Variants in RECK observed in about 807,000 individuals in gnomAD.
RECK encodes the protein reversion-inducing cysteine-rich protein with Kazal motifs.
RECK carries 69 observed loss-of-function variants against 115.1 expected under a neutral mutation model. The observed-to-expected ratio is 0.60, with a 90% CI of 0.49 to 0.73. The LOEUF (loss-of-function observed/expected upper bound fraction) is 0.73, where lower values mean the gene tolerates loss of function less well. Among genes scored for constraint, RECK ranks in the 30% least tolerant of loss-of-function variants. The pLI is 0.00. For synonymous variants in RECK, 414 were observed against 419.7 expected (o/e 0.99, Z 0.17); for missense variants, 1,047 against 1,203.7 (o/e 0.87, Z 1.93).
intron 8 of RECK, among the ~76,000 whole-genome samples, chr9:36,087,096 C>G (rs1822993721): frequency 6.6e-6 from 1 of 152,168 alleles, no homozygotes; most frequent in South Asian, 2.1e-4. Context: ...TCTGCAAATA[C>G]TGACATATAA....
chr9:36,101,109 C>T (rs553185568), intron 11 of RECK, among the ~76,000 whole-genome samples: 30 of 151,898 alleles, frequency 2.0e-4, no homozygotes, highest in Admixed American at 4.6e-4. Context: ...TGGGACTACA[C>T]GCCCAGCTAA....
At chr9:36,112,040 G>A (rs539324622) in intron 15 of RECK, among the ~76,000 whole-genome samples, 5 of 146,934 alleles carry the variant, frequency 3.4e-5, no homozygotes, top group South Asian at 2.2e-4. Flanking sequence ...GGAGAATGGC[G>A]TGAACCTGGG....
chr9:36,118,902 C>A lies in RECK; in HGVS notation c.2399C>A (p.Ala800Asp). ...VGVLSEHSSV[A>D]ECASVKCPSL... The stretch of plus-strand genomic sequence containing the variant: ...GTCCTCTCAGAGCACAGCTCCGTCG[C>A]CGAGTGTGCTTCTGTCAAGTGTCCT... The change falls in exon 18 of 21, where the codon GCC (alanine) becomes GAC (aspartate). Residue 800 changes from alanine (A) to aspartate (D), a missense_variant. Ala to Asp is a moderately radical substitution (Grantham distance 126). Coordinates refer to ENST00000377966, the MANE Select transcript of RECK (RefSeq NM_021111.3). The A allele has an allele frequency of 6.2e-7, 1 of 1,613,736 alleles. No individual in the cohort carries two copies. The highest frequency in any genetic ancestry group is 8.5e-7 in the Non-Finnish European group (1 of 1,180,036).
At chr9:36,071,453 C>T (rs1171279582) in intron 6 of RECK, among the ~76,000 whole-genome samples, 1 of 152,100 alleles carries the variant, frequency 6.6e-6, no homozygotes, top group East Asian at 1.9e-4. Flanking sequence ...AACATAATGG[C>T]CATAAATATA....
intron 12 of RECK, among the ~76,000 whole-genome samples, chr9:36,102,565 A>AT (rs1484860523): frequency 6.6e-6 from 1 of 152,136 alleles, no homozygotes; most frequent in Non-Finnish European, 1.5e-5. Flanking sequence ...AGAAAGTGGA[A>AT]TTTACCCCCA....
chr9:36,119,061 C>G, intron 18 of RECK, 94 bp downstream of exon 18: 2 of 1,258,494 alleles, frequency 1.6e-6, no homozygotes, highest in Non-Finnish European at 2.2e-6. Flanking sequence ...AGCTCATTTA[C>G]GTTTTTCAGA....
intron 6 of RECK, among the ~76,000 whole-genome samples, chr9:36,077,087 T>A (rs529181148): frequency 6.6e-6 from 1 of 152,274 alleles, no homozygotes; most frequent in East Asian, 1.9e-4. Context: ...TTATGGTAGA[T>A]CCTCACCTCA....
chr9:36,076,256 T>C (rs1344904444), intron 6 of RECK, among the ~76,000 whole-genome samples: 1 of 152,236 alleles, frequency 6.6e-6, no homozygotes, highest in Non-Finnish European at 1.5e-5. Flanking sequence ...TGAATGTTTG[T>C]TCATAGATTA....
At chr9:36,082,756 G>A (rs2132624330) in intron 7 of RECK, among the ~76,000 whole-genome samples, 1 of 152,320 alleles carries the variant, frequency 6.6e-6, no homozygotes, top group South Asian at 2.1e-4. Context: ...CTTACAGATA[G>A]ATGTTCAAAC....
Position 36,073,231 on chromosome 9 carries a change from GACACACACAGACAC to G in RECK, c.406-7364_406-7351del, listed in dbSNP as rs1391146882. On this transcript the variant is annotated intron_variant, in intron 6 of 20. Coordinates refer to ENST00000377966, the MANE Select transcript of RECK (RefSeq NM_021111.3). Reference sequence around the variant, plus strand: ...AAACAGCAACACACAGACACACACAGACACACACAGACACACACACACACACACACACACACACA... The same window carrying G: ...AAACAGCAACACACAGACACACACAGACACACACACACACACACACACACA... 9.4e-3 allele frequency among the ~76,000 whole-genome samples: 892 copies of G among 94,950 alleles called. 9 individuals carry two copies. Among genetic ancestry groups the G allele is most frequent in the African/African-American group, 0.031 (786 of 25,658 alleles). 62.3% of individuals were successfully genotyped at this position (94,950 alleles called of 152,430 possible).
chr9:36,116,701 C>G (rs908333963), intron 16 of RECK, among the ~76,000 whole-genome samples: 1 of 152,176 alleles, frequency 6.6e-6, no homozygotes, highest in South Asian at 2.1e-4. Context: ...CCCCCTTTGC[C>G]CCCCCAGCCT....
intron 6 of RECK, among the ~76,000 whole-genome samples, chr9:36,068,175 AAGT>A (rs1822086386): frequency 6.6e-6 from 1 of 152,210 alleles, no homozygotes; most frequent in Non-Finnish European, 1.5e-5. Context: ...TGTGCAGGCT[AAGT>A]TTTAGATCCC....
chr9:36,115,915 G>A (rs1824241348), intron 16 of RECK, among the ~76,000 whole-genome samples: 1 of 151,934 alleles, frequency 6.6e-6, no homozygotes, highest in African/African-American at 2.4e-5. Context: ...TAAAAATTAG[G>A]AAAGCAGAAA....
chr9:36,063,048 T>A (rs1296554092), intron 4 of RECK, among the ~76,000 whole-genome samples: 2 of 151,936 alleles, frequency 1.3e-5, no homozygotes, highest in Non-Finnish European at 2.9e-5. Flanking sequence ...GGCAGGAGAA[T>A]TGCTTGGACC....
intron 2 of RECK, among the ~76,000 whole-genome samples, chr9:36,056,378 A>C (rs560675209): frequency 2.2e-4 from 33 of 152,258 alleles, no homozygotes; most frequent in African/African-American, 7.9e-4. Context: ...TATGTATTGC[A>C]GTTGGTTATA....
intron 8 of RECK, 70 bp downstream of exon 8, chr9:36,083,632 T>C: frequency 6.8e-7 from 1 of 1,464,602 alleles, no homozygotes; most frequent in Non-Finnish European, 9.3e-7. Context: ...AAGTGATACG[T>C]TCTTGTAGAT....
Position 36,121,609 on chromosome 9 carries a change from A to G in RECK, c.2615A>G (p.Asp872Gly), listed in dbSNP as rs1313067371. Residue 872 changes from aspartate (D) to glycine (G), a missense_variant, in exon 20 of 21, where the codon GAT (aspartate) becomes GGT (glycine). Physicochemically the swap from Asp to Gly is moderately conservative, Grantham distance 94 (BLOSUM62 -1). Transcript: ENST00000377966. ...ATGCACGTGTCTGTCCCACAGTGTGATGTGTTTGGATACTTCAGCATTGAA... is the reference window on the plus strand; with the variant it reads ...ATGCACGTGTCTGTCCCACAGTGTGGTGTGTTTGGATACTTCAGCATTGAA... ...IRMHVSVPQC[D>G]VFGYFSIESE... 6.2e-7 allele frequency: 1 copy of G among 1,614,138 alleles called. No individual in the cohort carries two copies. The highest frequency in any genetic ancestry group is 1.7e-5 in the Admixed American group (1 of 60,020).
intron 19 of RECK, 49 bp from the exon 20 acceptor site, chr9:36,121,484 T>A: frequency 6.4e-7 from 1 of 1,563,054 alleles, no homozygotes; most frequent in Non-Finnish European, 8.7e-7. Context: ...GCTTAGGCAG[T>A]CATAGGAATT....
chr9:36,037,387 G>A lies in RECK; in HGVS notation c.100+289G>A, dbSNP rs117777567. Among the ~76,000 whole-genome samples the A allele has an allele frequency of 9.6e-4, 146 of 151,886 alleles. 3 individuals carry two copies. In the East Asian group the frequency reaches 0.025, roughly 27 times the overall value. On this transcript the variant is annotated intron_variant, in intron 1 of 20. Transcript: ENST00000377966. ...GGCACTGACCCCTTCGCTTGCCTCT[G>A]CTGCTTGTCAGAAAAGGGTGCGATG...
Sources: gnomAD v4.1 joint callset for allele counts (sites outside exome capture counted in the v4.1 genomes callset) on GRCh38, gnomAD v4.1.1 for gene constraint, MANE v1.5 for transcripts, NCBI Gene and HGNC (gene_info 2026-07-23, HGNC 2026-07-21) for gene names.